Variants in STAU2 observed in about 807,000 individuals in gnomAD.
The protein encoded by STAU2 is staufen double-stranded RNA binding protein 2, also known as double-stranded RNA-binding protein Staufen homolog 2.
In STAU2, 20 loss-of-function variants were observed where a neutral mutation model predicts 65.9. The observed-to-expected ratio is 0.30, with a 90% CI of 0.21 to 0.44. STAU2 has a LOEUF of 0.44. Among genes scored for constraint, STAU2 ranks in the 20% least tolerant of loss-of-function variants. The pLI is 1.00. For missense variants in STAU2, 558 were observed against 683.9 expected, an observed-to-expected ratio of 0.82 and a Z score of 2.05; for synonymous variants, 232 against 233.9, an observed-to-expected ratio of 0.99 and a Z score of 0.07.
intron 11 of STAU2, among the ~76,000 whole-genome samples, chr8:73,590,112 G>A (rs1810660553): frequency 1.4e-5 from 2 of 143,396 alleles, no homozygotes; most frequent in Non-Finnish European, 3.0e-5. Context: ...AGTAGGAGGA[G>A]AAGAAAAAAC....
At chr8:73,725,078 T>C (rs893909177) in intron 3 of STAU2, among the ~76,000 whole-genome samples, 3 of 152,220 alleles carry the variant, frequency 2.0e-5, no homozygotes, top group African/African-American at 7.2e-5. Context: ...TCAAGGAGCA[T>C]CTGTACTTGA....
chr8:73,507,461 T>C (rs1478683712), intron 13 of STAU2, among the ~76,000 whole-genome samples: 3 of 152,184 alleles, frequency 2.0e-5, no homozygotes, highest in Admixed American at 6.5e-5. Context: ...GTCTCAACAG[T>C]GGGCTTAAAA....
At position 73,509,991 on chromosome 8, in the gene STAU2, G is replaced by C. The variant is rs968915427; in HGVS notation, c.1530+42021C>G. ...TAAGCAAAGCATTAGAACAATAAAG[G>C]CCTCTACAACTAGTTCCATACAGCA... On this transcript the variant is annotated intron_variant, in intron 13 of 14. Coordinates refer to ENST00000524300, the MANE Select transcript of STAU2 (RefSeq NM_001164380.2). Among the ~76,000 whole-genome samples the C allele has an allele frequency of 2.6e-5, 4 of 152,074 alleles. 1 individual carries two copies. The highest frequency in any genetic ancestry group is 4.1e-4 in the South Asian group (2 of 4,820).
chr8:73,659,279 T>C (rs1453913989), intron 6 of STAU2, among the ~76,000 whole-genome samples: 1 of 152,204 alleles, frequency 6.6e-6, no homozygotes, highest in African/African-American at 2.4e-5. Context: ...GGCTCATGCC[T>C]GTAATCCCAG....
chr8:73,712,958 A>G (rs372232040), intron 3 of STAU2, among the ~76,000 whole-genome samples: 1 of 152,122 alleles, frequency 6.6e-6, no homozygotes, highest in East Asian at 1.9e-4. Flanking sequence ...AAAAACAAGT[A>G]TATTTCTGTA....
intron 6 of STAU2, chr8:73,651,580 T>C: frequency 3.7e-6 from 3 of 802,252 alleles, no homozygotes; most frequent in Non-Finnish European, 6.2e-6. Context: ...CACCCCTGCC[T>C]GGGCCCCAGA....
intron 13 of STAU2, chr8:73,550,783 T>A: frequency 2.0e-6 from 2 of 987,504 alleles, no homozygotes; most frequent in African/African-American, 3.5e-5. Context: ...GAAGTTCATA[T>A]TAAGAGTCCA....
At chr8:73,518,269 G>A (rs1475773206) in intron 13 of STAU2, among the ~76,000 whole-genome samples, 2 of 152,160 alleles carry the variant, frequency 1.3e-5, no homozygotes, top group African/African-American at 4.8e-5. Flanking sequence ...CAGAAAACTG[G>A]CTTCTTTCCA....
At chr8:73,456,723 T>C (rs952687333) in intron 13 of STAU2, among the ~76,000 whole-genome samples, 5 of 152,224 alleles carry the variant, frequency 3.3e-5, no homozygotes, top group Non-Finnish European at 7.3e-5. Flanking sequence ...TAACATTCTC[T>C]ATGTTTACAG....
chr8:73,497,800 AAC>A (rs33923589), intron 13 of STAU2, among the ~76,000 whole-genome samples: 60,999 of 151,364 alleles, frequency 0.4, 13,791 homozygotes, highest in Non-Finnish European at 0.5. Context: ...TCAAATTTAT[AAC>A]AGACTAGTAA....
At chr8:73,722,185 C>T (rs973655104) in intron 3 of STAU2, among the ~76,000 whole-genome samples, 1 of 152,146 alleles carries the variant, frequency 6.6e-6, no homozygotes, top group Non-Finnish European at 1.5e-5. Context: ...CCATTTCTCC[C>T]TCCCTGCCTT....
At chr8:73,454,600 G>A (rs967911224) in intron 13 of STAU2, among the ~76,000 whole-genome samples, 1 of 152,160 alleles carries the variant, frequency 6.6e-6, no homozygotes, top group African/African-American at 2.4e-5. Context: ...TGTCCCAACA[G>A]GACATGCCAA....
At position 73,564,485 on chromosome 8, in the gene STAU2, G is replaced by A. The variant is rs532594682; in HGVS notation, c.1223-12166C>T. On this transcript the variant is annotated intron_variant, in intron 12 of 14. Transcript: ENST00000524300. ...GGAATAACACACACTGGAGCCTATC[G>A]AAGGGTGAAGGGTGGAGGGTGGAGG... Among the ~76,000 whole-genome samples, 12 of 152,098 alleles carry A rather than the reference G, an allele frequency of 7.9e-5. 1 individual carries two copies. Among genetic ancestry groups the A allele is most frequent in the South Asian group, 4.2e-4 (2 of 4,808 alleles).
chr8:73,687,106 T>A (rs1329279823), intron 5 of STAU2, among the ~76,000 whole-genome samples: 1 of 145,206 alleles, frequency 6.9e-6, no homozygotes, highest in African/African-American at 2.5e-5. Flanking sequence ...CTGGCCAGGC[T>A]ATATATAAAT....
At chr8:73,692,284 G>A (rs1467545918) in intron 4 of STAU2, among the ~76,000 whole-genome samples, 5 of 150,424 alleles carry the variant, frequency 3.3e-5, no homozygotes, top group African/African-American at 9.8e-5. Context: ...TGCAACCTCC[G>A]CCTCCCAAGT....
Position 73,524,349 on chromosome 8 carries a change from T to C in STAU2, c.1530+27663A>G, listed in dbSNP as rs538415640. On this transcript the variant is annotated intron_variant, in intron 13 of 14. Transcript: ENST00000524300. The stretch of plus-strand genomic sequence containing the variant: ...AGGACAGAAGAGGTAGGAGCAGGCA[T>C]GGTAGGGGGACGCAGGGAACAAAGA... Among the ~76,000 whole-genome samples, 17 of 152,158 alleles carry C rather than the reference T, an allele frequency of 1.1e-4. 1 individual carries two copies. Among genetic ancestry groups the C allele is most frequent in the African/African-American group, 3.9e-4 (16 of 41,522 alleles).
intron 13 of STAU2, among the ~76,000 whole-genome samples, chr8:73,508,358 C>G (rs1822187002): frequency 6.6e-6 from 1 of 151,934 alleles, no homozygotes; most frequent in South Asian, 2.1e-4. Context: ...AATAGGGAGG[C>G]CTGAGGAGAT....
chr8:73,515,835 G>A (rs974193692), intron 13 of STAU2, among the ~76,000 whole-genome samples: 2 of 126,862 alleles, frequency 1.6e-5, no homozygotes, highest in Non-Finnish European at 3.1e-5. Flanking sequence ...AGGCTGGAAA[G>A]CAGTGGTGGC....
At chr8:73,537,071 T>C (rs1410350072) in intron 13 of STAU2, among the ~76,000 whole-genome samples, 1 of 152,068 alleles carries the variant, frequency 6.6e-6, no homozygotes, top group Non-Finnish European at 1.5e-5. Context: ...TTTTAAAAAA[T>C]AGTCTCACGA....
Sources: gnomAD v4.1 joint callset for allele counts (sites outside exome capture counted in the v4.1 genomes callset) on GRCh38, gnomAD v4.1.1 for gene constraint, MANE v1.5 for transcripts, NCBI Gene and HGNC (gene_info 2026-07-23, HGNC 2026-07-21) for gene names.